The following ZFP30 variants were observed in gnomAD, a reference collection of about 807,000 sequenced individuals.
ZFP30 encodes zinc finger protein 30 homolog.
ZFP30 carries 16 observed loss-of-function variants against 12.3 expected under a neutral mutation model. The ratio of observed to expected loss-of-function variants is 1.30; its 90% CI spans 0.88 to 1.98. ZFP30 has a LOEUF of 1.98. Ranked by LOEUF, ZFP30 falls within the 30% of genes most tolerant of loss-of-function variation. ZFP30 has a pLI of 0.00. For missense variants in ZFP30, 560 were observed against 611.2 expected (o/e 0.92, Z 0.88); for synonymous variants, 172 against 201.0 (o/e 0.86, Z 1.22).
intron 5 of ZFP30, 98 bp downstream of exon 5, chr19:37,643,167 T>C: frequency 1.1e-6 from 1 of 878,044 alleles, no homozygotes; most frequent in Non-Finnish European, 1.7e-6. Context: ...AAGTTTCAGG[T>C]CTCTTCTTCA....
intron 4 of ZFP30, 62 bp from the exon 5 acceptor site, chr19:37,643,425 T>C (rs1327871140): frequency 4.8e-6 from 6 of 1,244,440 alleles, no homozygotes; most frequent in Middle Eastern, 2.9e-4. Flanking sequence ...CAAAGAAGAC[T>C]ATCAGGATTG....
intron 5 of ZFP30, among the ~76,000 whole-genome samples, chr19:37,641,048 G>A (rs1160211496): frequency 1.3e-5 from 2 of 152,126 alleles, no homozygotes; most frequent in African/African-American, 4.8e-5. Context: ...AGGTTCAGAC[G>A]ATAATCTTAC....
Position 37,643,299 on chromosome 19 carries a change from C to T in ZFP30, c.201G>A (p.Met67Ile), listed in dbSNP as rs770161747. The change falls in exon 5 of 6, where the codon ATG becomes ATA. Residue 67 changes from methionine (M) to isoleucine (I), a missense_variant. By Grantham distance (10) the Met-to-Ile change is conservative. Transcript: ENST00000684514. ...ATCTTCTTTTCTCATCCCTCACAAC[C>T]ATCCAGGGCTCTTTCCCTTGTTCCA... ...TLLEQGKEPW[M>I]VVRDEKRRWT... is the part of the protein sequence containing the mutation. 1 of 1,611,332 alleles carries T rather than the reference C, an allele frequency of 6.2e-7. No individual in the cohort carries two copies. The highest frequency in any genetic ancestry group is 1.3e-5 in the African/African-American group (1 of 74,934).
chr19:37,643,148 T>C (rs1192821754), intron 5 of ZFP30, 117 bp downstream of exon 5: 3 of 714,966 alleles, frequency 4.2e-6, no homozygotes, highest in Non-Finnish European at 6.9e-6. Flanking sequence ...AGATCTAAAT[T>C]TTCTTCCCAA....
Position 37,633,413 on chromosome 19 carries a change from G to A in ZFP30, c.*1568C>T, listed in dbSNP as rs1185830615. 1 of 152,194 alleles carries A rather than the reference G, an allele frequency of 6.6e-6. No homozygotes were observed. Among genetic ancestry groups the A allele is most frequent in the Non-Finnish European group, 1.5e-5 (1 of 68,128 alleles). The allele number at this position is 152,194 out of a possible 1,614,324, so 9.4% of individuals were successfully genotyped here. A position where few individuals can be genotyped will look rare whatever the true frequency, so the allele number is the denominator to read the frequency against. ...TTGTTGCCCAGGCTGGAGTGCAATG[G>A]CGTGATCTCGGCTCACTGCAACCTC... On this transcript the variant is annotated 3_prime_UTR_variant, in exon 6 of 6. Coordinates refer to ENST00000684514, the MANE Select transcript of ZFP30 (RefSeq NM_001320669.3).
intron 5 of ZFP30, among the ~76,000 whole-genome samples, chr19:37,637,693 G>A (rs571656052): frequency 5.0e-4 from 76 of 152,056 alleles, no homozygotes; most frequent in African/African-American, 1.8e-3. Context: ...TCACAATGTT[G>A]GCCAGGCTGA....
rs2044297122 is a variant in ZFP30 at position 37,635,260 on chromosome 19, T to C, written c.1281A>G (p.Gln427=). 6.2e-7 allele frequency: 1 copy of C among 1,614,032 alleles called. No individual in the cohort carries two copies. Among genetic ancestry groups the C allele is most frequent in the South Asian group, 1.1e-5 (1 of 91,064 alleles). The change falls in exon 6 of 6, where the codon CAA becomes CAG. Residue 427 remains glutamine, a synonymous_variant. Coordinates refer to ENST00000684514, the MANE Select transcript of ZFP30 (RefSeq NM_001320669.3). ...TCTCACCAAAATGAATACTCTGATG[T>C]TGAGTAAGCTGTGAGAACAGCCTAA... is the stretch of plus-strand genomic sequence containing the variant. ...KAFRLFSQLT[Q]HQSIHFGEKP...
chr19:37,645,808 A>G (rs1599626198), intron 3 of ZFP30, among the ~76,000 whole-genome samples: 1 of 152,036 alleles, frequency 6.6e-6, no homozygotes, highest in East Asian at 1.9e-4. Flanking sequence ...GAACTGTAAA[A>G]TGCCTATTTT....
chr19:37,647,658 G>C (rs1370596508), intron 3 of ZFP30, among the ~76,000 whole-genome samples, 156 bp downstream of exon 3: 1 of 152,222 alleles, frequency 6.6e-6, no homozygotes, highest in East Asian at 1.9e-4. Context: ...GGGCACTTAG[G>C]AATCTGGCTG....
At chr19:37,640,244 A>C (rs929317736) in intron 5 of ZFP30, among the ~76,000 whole-genome samples, 1 of 152,114 alleles carries the variant, frequency 6.6e-6, no homozygotes, top group African/African-American at 2.4e-5. Flanking sequence ...CCTATGTTTC[A>C]TAAGTACTTT....
intron 2 of ZFP30, among the ~76,000 whole-genome samples, chr19:37,652,892 T>C (rs1599636924): frequency 6.6e-6 from 1 of 151,816 alleles, no homozygotes; most frequent in Non-Finnish European, 1.5e-5. Flanking sequence ...CCGAGGCAGG[T>C]GGATCACTTG....
chr19:37,651,029 A>T (rs2044639537), intron 2 of ZFP30, among the ~76,000 whole-genome samples: 1 of 152,104 alleles, frequency 6.6e-6, no homozygotes, highest in South Asian at 2.1e-4. Context: ...GGTGTGAGCC[A>T]CTGCACCCAG....
intron 3 of ZFP30, among the ~76,000 whole-genome samples, chr19:37,645,068 G>T (rs1438938326): frequency 6.6e-6 from 1 of 152,152 alleles, no homozygotes; most frequent in East Asian, 1.9e-4. Flanking sequence ...AGCCAGGCAT[G>T]GTGGCGGGCG....
chr19:37,653,141 A>G (rs1452652891), intron 2 of ZFP30, among the ~76,000 whole-genome samples: 1 of 151,836 alleles, frequency 6.6e-6, no homozygotes, highest in African/African-American at 2.4e-5. Flanking sequence ...AAAAAGAAAG[A>G]AAAAAGAAAA....
chr19:37,641,265 T>C (rs1270238434), intron 5 of ZFP30, among the ~76,000 whole-genome samples: 1 of 152,246 alleles, frequency 6.6e-6, no homozygotes, highest in Non-Finnish European at 1.5e-5. Context: ...TTTGAAATCA[T>C]TCTCGTAGCC....
intron 2 of ZFP30, among the ~76,000 whole-genome samples, chr19:37,649,804 A>G (rs1217457569): frequency 6.6e-6 from 1 of 151,466 alleles, no homozygotes; most frequent in African/African-American, 2.4e-5. Flanking sequence ...AGCCTGGGCA[A>G]TAGAGTGATA....
chr19:37,634,845 C>A lies in ZFP30; in HGVS notation c.*136G>T. On this transcript the variant is annotated 3_prime_UTR_variant, in exon 6 of 6. Coordinates refer to ENST00000684514, the MANE Select transcript of ZFP30 (RefSeq NM_001320669.3). ...GCTTCTATATGTTCATTAACATATT[C>A]TTTCCTTTAAATAAAACTTCCTATG... The A allele has an allele frequency of 2.1e-6, 2 of 952,944 alleles. No individual in the cohort carries two copies. The highest frequency in any genetic ancestry group is 2.8e-5 in the East Asian group (1 of 35,102). The allele number at this position is 952,944 out of a possible 1,614,324, so 59.0% of individuals were successfully genotyped here. A position where few individuals can be genotyped will look rare whatever the true frequency, so the allele number is the denominator to read the frequency against.
chr19:37,648,858 C>T (rs754738750), intron 2 of ZFP30, among the ~76,000 whole-genome samples: 16 of 152,268 alleles, frequency 1.1e-4, no homozygotes, highest in Non-Finnish European at 1.6e-4. Context: ...ATATTGCCTG[C>T]ATGATCTCAA....
In ZFP30 at chr19:37,632,573, A is replaced by G. The variant is rs1169129691; in HGVS notation, c.*2408T>C. ...ATAAATTTTCCTATAACAATTTTAA[A>G]AACAAAAAAGTGTTATTCATTTTAA... On this transcript the variant is annotated 3_prime_UTR_variant, in exon 6 of 6. Transcript: ENST00000684514. The G allele has an allele frequency of 6.6e-6, 1 of 152,210 alleles. No individual in the cohort carries two copies. The highest frequency in any genetic ancestry group is 2.4e-5 in the African/African-American group (1 of 41,442). The allele number at this position is 152,210 out of a possible 1,614,324, so 9.4% of individuals were successfully genotyped here.
Sources: allele counts gnomAD v4.1 joint callset (sites outside exome capture counted in the v4.1 genomes callset), GRCh38; gene constraint gnomAD v4.1.1; transcripts MANE v1.5; gene names NCBI Gene and HGNC (gene_info 2026-07-23, HGNC 2026-07-21).